Variants in PSME4 observed in about 807,000 individuals in gnomAD.
PSME4 encodes proteasome activator subunit 4, also known as proteasome activator complex subunit 4.
PSME4 carries 89 observed loss-of-function variants against 253.9 expected under a neutral mutation model. That is an observed-to-expected ratio of 0.35 (90% confidence interval 0.30 to 0.42). The LOEUF is 0.42. Ranked by LOEUF, PSME4 falls within the 10% of genes least tolerant of loss-of-function variation. The pLI, the probability that PSME4 is intolerant of heterozygous loss-of-function variation, is 1.00. For synonymous variants in PSME4, 851 were observed against 759.2 expected (o/e 1.12, Z -1.99); for missense variants, 2,014 against 2,195.2 (o/e 0.92, Z 1.65).
Position 53,887,291 on chromosome 2 carries a change from T to G in PSME4, c.4697A>C (p.Glu1566Ala). ...MEENGIGEEDERTQGIKLLKT... is the reference protein window; with the variant it reads ...MEENGIGEEDARTQGIKLLKT... The stretch of plus-strand genomic sequence containing the variant: ...CAAGAGTTTAATGCCCTGAGTTCGC[T>G]CATCTTCTTCACCAATTCCATTTTC... The change falls in exon 40 of 47, where the codon GAG (glutamate) becomes GCG (alanine). Residue 1566 changes from glutamate (E) to alanine (A), a missense_variant. Physicochemically the swap from Glu to Ala is moderately radical, Grantham distance 107. Coordinates refer to ENST00000404125, the MANE Select transcript of PSME4 (RefSeq NM_014614.3). 1 of 1,614,010 alleles carries G rather than the reference T, an allele frequency of 6.2e-7. No homozygotes were observed. The highest frequency in any genetic ancestry group is 8.5e-7 in the Non-Finnish European group (1 of 1,179,892).
intron 14 of PSME4, 143 bp downstream of exon 14, chr2:53,925,396 G>A (rs377344125): frequency 2.5e-6 from 2 of 814,536 alleles, no homozygotes; most frequent in African/African-American, 3.5e-5. Flanking sequence ...TGCAAATAAT[G>A]AGCAACTGTA....
chr2:53,949,173 C>G lies in PSME4; in HGVS notation c.353G>C (p.Gly118Ala). ...CAAGTTGATCAAAAGGCGGGCAAAT[C>G]CCTGCATCATGCTGATTTCCAGTTT... ...IPKLEISMMQ[G>A]FARLLINLLK... The change falls in exon 2 of 47, where the codon GGA becomes GCA. Residue 118 changes from glycine to alanine, a missense_variant. By Grantham distance (60) the Gly-to-Ala change is moderately conservative. Transcript: ENST00000404125. 1 of 1,608,808 alleles carries G rather than the reference C, an allele frequency of 6.2e-7. No individual in the cohort carries two copies. Among genetic ancestry groups the G allele is most frequent in the Non-Finnish European group, 8.5e-7 (1 of 1,177,452 alleles).
intron 20 of PSME4, 75 bp from the exon 21 acceptor site, chr2:53,910,205 G>T: frequency 8.0e-7 from 1 of 1,251,860 alleles, no homozygotes; most frequent in Non-Finnish European, 1.2e-6. Context: ...TTTCATTGCT[G>T]GACTGTTTAA....
chr2:53,920,683 G>C (rs1170292478), intron 18 of PSME4, among the ~76,000 whole-genome samples: 1 of 152,116 alleles, frequency 6.6e-6, no homozygotes, highest in African/African-American at 2.4e-5. Flanking sequence ...TATATACGAA[G>C]TTGTTTCACA....
intron 38 of PSME4, 30 bp downstream of exon 38, chr2:53,888,691 T>C: frequency 1.3e-6 from 2 of 1,482,174 alleles, no homozygotes; most frequent in African/African-American, 1.4e-5. Context: ...CCTTTCGTGT[T>C]AACCTCATAG....
intron 21 of PSME4, among the ~76,000 whole-genome samples, chr2:53,909,643 T>G (rs968208459): frequency 1.8e-4 from 28 of 152,042 alleles, no homozygotes; most frequent in African/African-American, 6.8e-4. Context: ...AAAAAAGAGA[T>G]TAGGAACATC....
At chr2:53,919,654 A>C (rs751924686) in intron 19 of PSME4, among the ~76,000 whole-genome samples, 1 of 152,180 alleles carries the variant, frequency 6.6e-6, no homozygotes, top group African/African-American at 2.4e-5. Context: ...AGTTGATGTT[A>C]GTCAGTCACA....
intron 1 of PSME4, among the ~76,000 whole-genome samples, chr2:53,950,148 C>T (rs760568228): frequency 1.3e-5 from 2 of 152,058 alleles, no homozygotes; most frequent in African/African-American, 4.8e-5. Flanking sequence ...TGATGGCGTG[C>T]GCCTGTGGTC....
At chr2:53,934,772 A>G (rs1193739345) in intron 7 of PSME4, 45 bp from the exon 8 acceptor site, 1 of 1,447,350 alleles carries the variant, frequency 6.9e-7, no homozygotes, top group Admixed American at 1.8e-5. Context: ...AGGTATCAAA[A>G]TAATTCTTTA....
rs1383019623 is a variant in PSME4, at chr2:53,970,847, C to T, written c.-63G>A. On this transcript the variant is annotated 5_prime_UTR_variant, in exon 1 of 47. Coordinates refer to ENST00000404125, the MANE Select transcript of PSME4 (RefSeq NM_014614.3). ...ACCCTCCCCGGCCCCCACCCCTCTC[C>T]GGGCTCCGCCTCCTCCGCGTCTTCG... The T allele has an allele frequency of 2.3e-6, 3 of 1,325,254 alleles. No homozygotes were observed. The highest frequency in any genetic ancestry group is 5.6e-5 in the East Asian group (2 of 36,026). 82.1% of individuals were successfully genotyped at this position (1,325,254 alleles called of 1,614,324 possible). A position where few individuals can be genotyped will look rare whatever the true frequency, so the allele number is the denominator to read the frequency against.
intron 1 of PSME4, among the ~76,000 whole-genome samples, chr2:53,953,934 G>A (rs377541964): frequency 3.9e-5 from 6 of 152,160 alleles, no homozygotes; most frequent in African/African-American, 1.4e-4. Context: ...CACAGGGGAA[G>A]AACAAAAAAG....
At chr2:53,915,721 AT>A (rs1404082302) in intron 20 of PSME4, among the ~76,000 whole-genome samples, 1 of 152,176 alleles carries the variant, frequency 6.6e-6, no homozygotes, top group Non-Finnish European at 1.5e-5. Flanking sequence ...ACAAAAAAAA[AT>A]TACAGCAGCT....
At position 53,948,517 on chromosome 2, in the gene PSME4, C is replaced by T. The variant is rs1055402557; in HGVS notation, c.404G>A (p.Arg135Lys). ...NLLKKKELLSRADLELPWRPL... is the reference protein window; with the variant it reads ...NLLKKKELLSKADLELPWRPL... ...TCTCCAGGGTAACTCCAAATCAGCT[C>T]TTGAAAGAAGTTCCTTTTTCCTAAA... Residue 135 changes from arginine to lysine, a missense_variant, in exon 3 of 47, where the codon AGA becomes AAA. By Grantham distance (26) the Arg-to-Lys change is conservative. This residue lies in a region of PSME4 where 615 missense variants were observed against 594.4 expected (regional missense o/e 1.03). Coordinates refer to ENST00000404125, the MANE Select transcript of PSME4 (RefSeq NM_014614.3). 5 of 1,611,690 alleles carry T rather than the reference C, an allele frequency of 3.1e-6. No homozygotes were observed. The African/African-American group carries it at 4.0e-5, about 13-fold the overall frequency.
intron 4 of PSME4, 147 bp downstream of exon 4, chr2:53,939,809 G>A (rs568733416): frequency 1.8e-6 from 1 of 564,892 alleles, no homozygotes; most frequent in South Asian, 5.1e-5. Flanking sequence ...TTCAGTTAAT[G>A]AACTGGAAAC....
intron 21 of PSME4, among the ~76,000 whole-genome samples, 167 bp downstream of exon 21, chr2:53,909,908 T>G (rs1406908479): frequency 6.6e-6 from 1 of 152,124 alleles, no homozygotes; most frequent in Non-Finnish European, 1.5e-5. Flanking sequence ...AGGCAGGGGT[T>G]GCAGTGAGCA....
chr2:53,932,938 C>T, intron 8 of PSME4, 178 bp from the exon 9 acceptor site: 2 of 548,730 alleles, frequency 3.6e-6, no homozygotes, highest in Admixed American at 6.2e-5. Context: ...TCATGCAAAC[C>T]AACTCAAAAT....
intron 12 of PSME4, among the ~76,000 whole-genome samples, chr2:53,927,178 G>A (rs962278327): frequency 6.6e-6 from 1 of 152,162 alleles, no homozygotes; most frequent in African/African-American, 2.4e-5. Context: ...CCAGATGTCA[G>A]ATGTTTATAG....
At chr2:53,888,220 T>C (rs948329035) in intron 38 of PSME4, 3 of 361,774 alleles carry the variant, frequency 8.3e-6, no homozygotes, top group African/African-American at 2.1e-5. Context: ...AAAGAAATAC[T>C]GACTTAAGAA....
chr2:53,872,182 T>C (rs1048699417), intron 43 of PSME4, among the ~76,000 whole-genome samples: 2 of 152,222 alleles, frequency 1.3e-5, no homozygotes, highest in African/African-American at 4.8e-5. Context: ...TGAGATATTT[T>C]ACTCCAGGGT....
Sources: gnomAD v4.1 joint callset for allele counts (sites outside exome capture counted in the v4.1 genomes callset) on GRCh38, gnomAD v4.1.1 for gene constraint, gnomAD v4.1.1 regional missense constraint, MANE v1.5 for transcripts, NCBI Gene and HGNC (gene_info 2026-07-23, HGNC 2026-07-21) for gene names.